The following OTUD7A variants were observed in gnomAD, a reference collection of about 807,000 sequenced individuals.
OTUD7A encodes OTU domain-containing protein 7A.
In OTUD7A, 12 loss-of-function variants were observed where a neutral mutation model predicts 65.7. The observed-to-expected ratio is 0.18, with a 90% CI of 0.12 to 0.30. The LOEUF (loss-of-function observed/expected upper bound fraction) is 0.30. OTUD7A is among the 10% of genes least tolerant of loss of function. The probability of loss-of-function intolerance (pLI) is 1.00; values close to 1 mark genes in which losing one functional copy is unlikely to be tolerated. For missense variants in OTUD7A, 1,148 were observed against 1,304.8 expected (o/e 0.88, Z 1.85); for synonymous variants, 641 against 586.3 (o/e 1.09, Z -1.35).
intron 1 of OTUD7A, among the ~76,000 whole-genome samples, chr15:31,662,823 T>C (rs1892202516): frequency 1.3e-5 from 2 of 152,352 alleles, no homozygotes; most frequent in Middle Eastern, 3.4e-3. Context: ...TAATCTCTTT[T>C]ACAGATGAAC....
chr15:31,601,748 C>G (rs989324928), intron 3 of OTUD7A, among the ~76,000 whole-genome samples: 2 of 152,034 alleles, frequency 1.3e-5, no homozygotes, highest in African/African-American at 4.8e-5. Context: ...GACTCAAATA[C>G]ACACAATGGA....
In OTUD7A at chr15:31,829,822, T is replaced by C. The variant is rs904444655; in HGVS notation, c.-100+40685A>G. Among the ~76,000 whole-genome samples, 16 of 152,168 alleles carry C rather than the reference T, an allele frequency of 1.1e-4. 1 individual carries two copies. The highest frequency in any genetic ancestry group is 7.9e-4 in the Admixed American group (12 of 15,276). ...AGGCTGTTCCTTACACCTGAGTCTT[T>C]TACCTGAGACCCAGACACACTTAAC... On this transcript the variant is annotated intron_variant, in intron 1 of 12. Transcript: ENST00000307050.
intron 1 of OTUD7A, among the ~76,000 whole-genome samples, chr15:31,799,194 T>C (rs1297151858): frequency 6.6e-6 from 1 of 152,136 alleles, no homozygotes; most frequent in Non-Finnish European, 1.5e-5. Flanking sequence ...CACCTGGACA[T>C]GAACAGTGGG....
chr15:31,500,712 C>T (rs2041454891), intron 10 of OTUD7A, among the ~76,000 whole-genome samples: 1 of 152,246 alleles, frequency 6.6e-6, no homozygotes, highest in Non-Finnish European at 1.5e-5. Flanking sequence ...GCTGCACACT[C>T]AGTGGAAAAG....
At chr15:31,610,605 ATATATATATATATTT>A (rs1890376661) in intron 3 of OTUD7A, among the ~76,000 whole-genome samples, 2 of 38,678 alleles carry the variant, frequency 5.2e-5, no homozygotes, top group Non-Finnish European at 9.6e-5. Flanking sequence ...ATATATATAT[ATATATATATATATTT>A]TTTTTTTTTT....
At chr15:31,724,619 T>C (rs1893833412) in intron 1 of OTUD7A, among the ~76,000 whole-genome samples, 1 of 152,162 alleles carries the variant, frequency 6.6e-6, no homozygotes, top group East Asian at 1.9e-4. Flanking sequence ...ACTCACAGAA[T>C]GGGGGCATAC....
chr15:31,618,835 G>C (rs79845572), intron 3 of OTUD7A, among the ~76,000 whole-genome samples: 50,406 of 151,900 alleles, frequency 0.33, 11,068 homozygotes, highest in African/African-American at 0.62. Context: ...GTGTTTTAGA[G>C]ATGAGTCCTT....
chr15:31,814,857 TG>T (rs1172117289), intron 1 of OTUD7A, among the ~76,000 whole-genome samples: 1 of 152,188 alleles, frequency 6.6e-6, no homozygotes, highest in Non-Finnish European at 1.5e-5. Flanking sequence ...TCATGTTTAC[TG>T]GGCAGTTATT....
At chr15:31,575,079 C>G (rs1889163658) in intron 3 of OTUD7A, among the ~76,000 whole-genome samples, 1 of 152,098 alleles carries the variant, frequency 6.6e-6, no homozygotes, top group South Asian at 2.1e-4. Flanking sequence ...ACTGATTAAA[C>G]TCAGGGGGGA....
At chr15:31,819,065 T>A (rs1264870931) in intron 1 of OTUD7A, among the ~76,000 whole-genome samples, 1 of 152,104 alleles carries the variant, frequency 6.6e-6, no homozygotes. Flanking sequence ...AATGGAGTGG[T>A]CCATGCATGT....
At chr15:31,796,178 T>C (rs1225750068) in intron 1 of OTUD7A, among the ~76,000 whole-genome samples, 1 of 140,060 alleles carries the variant, frequency 7.1e-6, no homozygotes, top group Non-Finnish European at 1.5e-5. Flanking sequence ...TCTATGTATG[T>C]ATCTATGCAT....
At chr15:31,747,806 TTAACA>T in intron 1 of OTUD7A, among the ~76,000 whole-genome samples, 1 of 152,266 alleles carries the variant, frequency 6.6e-6, no homozygotes, top group South Asian at 2.1e-4. Flanking sequence ...GTGACCAAAA[TTAACA>T]TAACCAGTAA....
intron 1 of OTUD7A, among the ~76,000 whole-genome samples, chr15:31,776,610 T>C (rs1312103444): frequency 6.6e-6 from 1 of 152,176 alleles, no homozygotes; most frequent in East Asian, 1.9e-4. Context: ...CTTCCTCTAC[T>C]AAAGCTACAA....
chr15:31,785,064 T>C (rs1595766747), intron 1 of OTUD7A, among the ~76,000 whole-genome samples: 1 of 152,256 alleles, frequency 6.6e-6, no homozygotes, highest in East Asian at 1.9e-4. Context: ...TGCAAGTACA[T>C]ACTGATGCAT....
intron 3 of OTUD7A, among the ~76,000 whole-genome samples, chr15:31,605,400 G>A (rs895863778): frequency 6.6e-6 from 1 of 152,154 alleles, no homozygotes; most frequent in African/African-American, 2.4e-5. Context: ...GGTCACATGG[G>A]ACCACAGGCA....
chr15:31,768,161 G>A, intron 1 of OTUD7A: 1 of 1,548,222 alleles, frequency 6.5e-7, no homozygotes, highest in Non-Finnish European at 8.9e-7. Context: ...CCACAGCTTG[G>A]TGGCCCGATA....
intron 10 of OTUD7A, among the ~76,000 whole-genome samples, chr15:31,489,498 G>A (rs1264990457): frequency 2.0e-5 from 3 of 152,086 alleles, no homozygotes; most frequent in East Asian, 1.9e-4. Flanking sequence ...TAGCCACCCC[G>A]GCCCCAGGAT....
intron 4 of OTUD7A, among the ~76,000 whole-genome samples, chr15:31,563,861 G>C (rs1442937641): frequency 2.6e-5 from 4 of 152,164 alleles, no homozygotes; most frequent in Non-Finnish European, 2.9e-5. Context: ...AGGCTCTCCA[G>C]CTTGAGTACC....
intron 5 of OTUD7A, among the ~76,000 whole-genome samples, chr15:31,537,906 C>T (rs112248990): frequency 5.9e-5 from 9 of 152,202 alleles, no homozygotes; most frequent in East Asian, 1.9e-4. Context: ...TGCATTTCTG[C>T]GGCAGACCTC....
Sources: allele counts gnomAD v4.1 joint callset (sites outside exome capture counted in the v4.1 genomes callset), GRCh38; gene constraint gnomAD v4.1.1; transcripts MANE v1.5; gene names NCBI Gene and HGNC (gene_info 2026-07-23, HGNC 2026-07-21).